The following GABRG2 variants were observed in gnomAD, a reference collection of about 807,000 sequenced individuals.
The protein encoded by GABRG2 is gamma-aminobutyric acid type A receptor subunit gamma2.
GABRG2 carries 16 observed loss-of-function variants against 56.4 expected under a neutral mutation model. That is an observed-to-expected ratio of 0.28 (90% CI 0.19 to 0.43). The LOEUF (loss-of-function observed/expected upper bound fraction) is 0.43, where lower values mean the gene tolerates loss of function less well. Among genes scored for constraint, GABRG2 ranks in the 20% least tolerant of loss-of-function variants. The pLI is 1.00. For missense variants in GABRG2, 327 were observed against 582.7 expected, an observed-to-expected ratio of 0.56 and a Z score of 4.52; for synonymous variants, 208 against 205.5, an observed-to-expected ratio of 1.01 and a Z score of -0.10.
rs76408955 is a variant in GABRG2 at position 162,087,939 on chromosome 5, G to A, written c.108-5889G>A. 6.8e-3 allele frequency among the ~76,000 whole-genome samples: 1,037 copies of A among 152,182 alleles called. 12 individuals are homozygous for A. The highest frequency in any genetic ancestry group is 0.024 in the African/African-American group (984 of 41,534). ...GCCTAATATCAAAAAAAATTAAACA[G>A]GATGTGAGGTGAGAAAGTAATTTTA... On this transcript the variant is annotated intron_variant, in intron 1 of 9. Coordinates refer to ENST00000639213, the MANE Select transcript of GABRG2 (RefSeq NM_198904.4).
At chr5:162,068,784 G>A (rs2113088951) in intron 1 of GABRG2, among the ~76,000 whole-genome samples, 1 of 152,242 alleles carries the variant, frequency 6.6e-6, no homozygotes, top group East Asian at 1.9e-4. Context: ...TCAGAGAGAA[G>A]GCCAATGAAG....
At chr5:162,142,082 T>A in intron 6 of GABRG2, 82 bp from the exon 7 acceptor site, 1 of 1,457,062 alleles carries the variant, frequency 6.9e-7, no homozygotes, top group Non-Finnish European at 9.6e-7. Flanking sequence ...TGTGTGTGCA[T>A]AACCATTAAA....
At chr5:162,137,800 G>T (rs1445732747) in intron 6 of GABRG2, among the ~76,000 whole-genome samples, 1 of 151,814 alleles carries the variant, frequency 6.6e-6, no homozygotes, top group East Asian at 1.9e-4. Context: ...AGGTGAAGTA[G>T]AAAGATCTCC....
At chr5:162,084,485 C>T (rs930033904) in intron 1 of GABRG2, among the ~76,000 whole-genome samples, 1 of 151,810 alleles carries the variant, frequency 6.6e-6, no homozygotes, top group Non-Finnish European at 1.5e-5. Flanking sequence ...CTTGCAGTAG[C>T]TCTTAATTAC....
intron 1 of GABRG2, among the ~76,000 whole-genome samples, chr5:162,083,232 A>C (rs1182218796): frequency 6.6e-6 from 1 of 151,774 alleles, no homozygotes; most frequent in Non-Finnish European, 1.5e-5. Context: ...TGAATTTTCA[A>C]ATACATTCGA....
intron 6 of GABRG2, among the ~76,000 whole-genome samples, chr5:162,127,517 C>T (rs1774441577): frequency 6.6e-6 from 1 of 151,758 alleles, no homozygotes; most frequent in Admixed American, 6.6e-5. Flanking sequence ...CATATGTGAG[C>T]AACACTGAGA....
chr5:162,098,043 C>T lies in GABRG2; in HGVS notation c.548+185C>T. The T allele has an allele frequency of 4.9e-6, 3 of 606,666 alleles. No homozygotes were observed. In the South Asian group the frequency reaches 6.1e-5, roughly 12 times the overall value. 37.6% of individuals were successfully genotyped at this position (606,666 alleles called of 1,614,324 possible). ...GTTTTTTCTTTTTGTTATCAATGAG[C>T]TTTTTCAAAGCACTAATTATAGGCA... On this transcript the variant is annotated intron_variant, in intron 4 of 9. Transcript: ENST00000639213.
chr5:162,146,616 C>G (rs1227702777), intron 7 of GABRG2, among the ~76,000 whole-genome samples: 2 of 151,168 alleles, frequency 1.3e-5, no homozygotes, highest in Non-Finnish European at 2.9e-5. Context: ...ATTCATTGAA[C>G]AAACATTTAT....
Position 162,153,502 on chromosome 5 carries a change from AT to A in GABRG2, c.*138del. 1 of 1,098,594 alleles carries A rather than the reference AT, an allele frequency of 9.1e-7. No homozygotes were observed. The highest frequency in any genetic ancestry group is 1.4e-6 in the Non-Finnish European group (1 of 725,410). The allele number at this position is 1,098,594 out of a possible 1,614,324, so 68.1% of individuals were successfully genotyped here. ...CTGTTTCTATGTCCAAACCTGGTAA[AT>A]TTTATAATGTCATATTGTTTGTGCC... On this transcript the variant is annotated 3_prime_UTR_variant, in exon 10 of 10. Transcript: ENST00000639213.
chr5:162,101,448 TG>T, intron 5 of GABRG2, 131 bp downstream of exon 5: 1 of 736,366 alleles, frequency 1.4e-6, no homozygotes, highest in East Asian at 2.7e-5. Context: ...TCGATGATTT[TG>T]ACCATCTCTT....
At chr5:162,098,334 A>T (rs1393737572) in intron 4 of GABRG2, 2 of 159,464 alleles carry the variant, frequency 1.3e-5, no homozygotes, top group African/African-American at 2.4e-5. Context: ...CATTATGTTA[A>T]TAGGCTATTT....
At chr5:162,127,336 A>T (rs1184250187) in intron 6 of GABRG2, among the ~76,000 whole-genome samples, 1 of 151,966 alleles carries the variant, frequency 6.6e-6, no homozygotes, top group Non-Finnish European at 1.5e-5. Context: ...GCTAGAAAAA[A>T]ACTAAGATCA....
intron 1 of GABRG2, among the ~76,000 whole-genome samples, chr5:162,069,883 C>T (rs1758531139): frequency 1.3e-5 from 2 of 151,912 alleles, no homozygotes; most frequent in Non-Finnish European, 2.9e-5. Flanking sequence ...AATATCTTTC[C>T]CCTATTTCTA....
At position 162,118,599 on chromosome 5, in the gene GABRG2, ATATATCTATATC is replaced by A. The variant is rs560921328; in HGVS notation, c.769+14587_769+14598del. Among the ~76,000 whole-genome samples, 395 of 152,146 alleles carry A rather than the reference ATATATCTATATC, an allele frequency of 2.6e-3. 4 individuals carry two copies. Among genetic ancestry groups the A allele is most frequent in the African/African-American group, 9.1e-3 (379 of 41,544 alleles). On this transcript the variant is annotated intron_variant, in intron 6 of 9. Transcript: ENST00000639213. ...AATATATTTGAGCAAAACTCTCTCT[ATATATCTATATC>A]TATATCTATATCTGTGCCAGTAAGC...
At chr5:162,139,383 C>T (rs963943122) in intron 6 of GABRG2, among the ~76,000 whole-genome samples, 4 of 152,142 alleles carry the variant, frequency 2.6e-5, no homozygotes, top group African/African-American at 9.7e-5. Flanking sequence ...CAAAAAGCGA[C>T]GTGGCCTTGG....
At chr5:162,075,947 A>G (rs2113148430) in intron 1 of GABRG2, among the ~76,000 whole-genome samples, 1 of 151,868 alleles carries the variant, frequency 6.6e-6, no homozygotes, top group Non-Finnish European at 1.5e-5. Context: ...GTGCCCAGGC[A>G]TTCCAAACTG....
rs182484848 is a variant in GABRG2 at position 162,147,805 on chromosome 5, G to A, written c.923-1303G>A. Among the ~76,000 whole-genome samples the A allele has an allele frequency of 3.7e-4, 57 of 152,180 alleles. 1 individual carries two copies. Among genetic ancestry groups the A allele is most frequent in the Admixed American group, 3.4e-3 (52 of 15,270 alleles). ...ACTTTATTTTTCTTTTCTGTCCCCCGTAAGAAATATAAATAACAAAACCTG... is the reference window on the plus strand; with the variant it reads ...ACTTTATTTTTCTTTTCTGTCCCCCATAAGAAATATAAATAACAAAACCTG... On this transcript the variant is annotated intron_variant, in intron 7 of 9. Transcript: ENST00000639213.
At chr5:162,151,413 C>G (rs901766969) in intron 8 of GABRG2, 12 of 267,734 alleles carry the variant, frequency 4.5e-5, no homozygotes, top group Non-Finnish European at 7.7e-5. Flanking sequence ...AAAATAGAAT[C>G]ATAGTATTTT....
Position 162,067,861 on chromosome 5 carries a change from T to C in GABRG2, c.-139T>C. On this transcript the variant is annotated 5_prime_UTR_variant, in exon 1 of 10. Transcript: ENST00000639213. ...TATTAATTCCCTAATCTGGTAGCAATCCATCTCCCCAGTGAAGGACCTACT... is the reference window on the plus strand; with the variant it reads ...TATTAATTCCCTAATCTGGTAGCAACCCATCTCCCCAGTGAAGGACCTACT... The C allele has an allele frequency of 1.4e-6, 1 of 690,022 alleles. No homozygotes were observed. The highest frequency in any genetic ancestry group is 1.6e-5 in the South Asian group (1 of 63,210). 42.7% of individuals were successfully genotyped at this position (690,022 alleles called of 1,614,324 possible).
Sources: allele counts gnomAD v4.1 joint callset (sites outside exome capture counted in the v4.1 genomes callset), GRCh38; gene constraint gnomAD v4.1.1; transcripts MANE v1.5; gene names NCBI Gene and HGNC (gene_info 2026-07-23, HGNC 2026-07-21).